Variants in STPG2 observed in about 807,000 individuals in gnomAD.
STPG2 encodes the protein sperm-tail PG-rich repeat-containing protein 2.
Under a neutral mutation model 54.2 loss-of-function variants are expected in STPG2, and 56 were observed. The observed-to-expected ratio is 1.03, with a 90% CI of 0.83 to 1.29. The LOEUF (loss-of-function observed/expected upper bound fraction) is 1.29. STPG2 is among the 50% of genes most tolerant of loss of function. The pLI, the probability that STPG2 is intolerant of heterozygous loss-of-function variation, is 0.00. For missense variants in STPG2, 596 were observed against 544.9 expected, an observed-to-expected ratio of 1.09 and a Z score of -0.93; for synonymous variants, 200 against 181.8, an observed-to-expected ratio of 1.10 and a Z score of -0.81.
intron 5 of STPG2, among the ~76,000 whole-genome samples, chr4:98,051,010 A>C (rs1012883831): frequency 6.7e-5 from 9 of 134,964 alleles, no homozygotes; most frequent in African/African-American, 2.2e-4. Flanking sequence ...ATCTCAAAAA[A>C]AAGAAAAAAA....
chr4:97,854,142 A>G (rs1729255223), intron 8 of STPG2, among the ~76,000 whole-genome samples: 1 of 152,280 alleles, frequency 6.6e-6, no homozygotes, highest in East Asian at 1.9e-4. Context: ...CTATTTTAGC[A>G]TCCGTCTATC....
chr4:98,070,560 A>T (rs1410895093), intron 5 of STPG2, among the ~76,000 whole-genome samples: 1 of 151,956 alleles, frequency 6.6e-6, no homozygotes, highest in Non-Finnish European at 1.5e-5. Flanking sequence ...TCAAATAGAG[A>T]GAGAGGATGT....
intron 9 of STPG2, among the ~76,000 whole-genome samples, chr4:97,788,671 T>C (rs1726897987): frequency 6.6e-6 from 1 of 152,174 alleles, no homozygotes; most frequent in South Asian, 2.1e-4. Flanking sequence ...ATAGTAGCTA[T>C]ACTAATTTAT....
chr4:97,632,617 G>T (rs1578438549), intron 10 of STPG2, among the ~76,000 whole-genome samples: 1 of 152,034 alleles, frequency 6.6e-6, no homozygotes, highest in Admixed American at 6.5e-5. Flanking sequence ...TTGACTCACA[G>T]ATATCAATAT....
At chr4:97,807,529 A>G (rs62318622) in intron 9 of STPG2, among the ~76,000 whole-genome samples, 5,847 of 152,070 alleles carry the variant, frequency 0.038, 184 homozygotes, top group Non-Finnish European at 0.063. Context: ...TTAAAATGAA[A>G]AACTTAATGC....
chr4:97,740,560 C>A (rs1449222018), intron 9 of STPG2, among the ~76,000 whole-genome samples: 1 of 152,084 alleles, frequency 6.6e-6, no homozygotes, highest in Non-Finnish European at 1.5e-5. Context: ...CATTCTTATA[C>A]ACCAATAACA....
intron 4 of STPG2, among the ~76,000 whole-genome samples, chr4:97,531,121 T>G (rs1270195534): frequency 6.6e-6 from 1 of 152,172 alleles, no homozygotes; most frequent in African/African-American, 2.4e-5. Context: ...AGCATTGAAA[T>G]TATCAGAAAA....
chr4:98,047,465 C>T (rs567312988), intron 5 of STPG2, among the ~76,000 whole-genome samples: 1 of 152,234 alleles, frequency 6.6e-6, no homozygotes, highest in South Asian at 2.1e-4. Flanking sequence ...CAGGGAGAAA[C>T]GGGGATCTAG....
intron 8 of STPG2, among the ~76,000 whole-genome samples, chr4:97,904,321 C>G (rs527247768): frequency 1.3e-5 from 2 of 152,320 alleles, no homozygotes; most frequent in Admixed American, 1.3e-4. Context: ...AACTGGGAGG[C>G]ACCCCCCAGC....
chr4:97,504,925 A>C (rs1730812821), intron 4 of STPG2, among the ~76,000 whole-genome samples: 1 of 152,030 alleles, frequency 6.6e-6, no homozygotes, highest in South Asian at 2.1e-4. Flanking sequence ...CATGGTACAG[A>C]CAAGGCAAGC....
rs116352664 is a variant in STPG2 at position 97,475,723 on chromosome 4, C to T, written c.462+236976G>A. Among the ~76,000 whole-genome samples the T allele has an allele frequency of 3.8e-3, 572 of 152,116 alleles. 2 individuals are homozygous for T. Among genetic ancestry groups the T allele is most frequent in the Admixed American group, 7.9e-3 (121 of 15,262 alleles). On this transcript the variant is annotated intron_variant, in intron 4 of 4. Transcript: ENST00000522676. ...GCTCTCCCCTAACATACCATGAATA[C>T]TTTGACCTTAGAGCTTTGCACTTGT...
intron 5 of STPG2, among the ~76,000 whole-genome samples, chr4:98,059,891 C>G (rs1737590496): frequency 6.6e-6 from 1 of 152,036 alleles, no homozygotes; most frequent in Admixed American, 6.6e-5. Flanking sequence ...TCTCAATAAA[C>G]TAGATATTGA....
intron 9 of STPG2, among the ~76,000 whole-genome samples, chr4:97,759,545 A>G (rs1302083631): frequency 6.6e-6 from 1 of 152,186 alleles, no homozygotes; most frequent in Non-Finnish European, 1.5e-5. Context: ...GTAAGCCATC[A>G]AGAACTTTTA....
intron 7 of STPG2, among the ~76,000 whole-genome samples, chr4:97,963,774 C>T (rs1733988009): frequency 6.6e-6 from 1 of 151,414 alleles, no homozygotes; most frequent in African/African-American, 2.4e-5. Flanking sequence ...ACTAAATGAA[C>T]AATAGAAATT....
chr4:97,868,852 T>A (rs542671122), intron 8 of STPG2, among the ~76,000 whole-genome samples: 2 of 152,062 alleles, frequency 1.3e-5, no homozygotes, highest in Non-Finnish European at 2.9e-5. Context: ...CTGATAAATA[T>A]TCTCAATTTC....
chr4:98,019,167 C>A (rs1409994101), intron 5 of STPG2, among the ~76,000 whole-genome samples: 2 of 152,158 alleles, frequency 1.3e-5, no homozygotes, highest in Non-Finnish European at 2.9e-5. Context: ...ACATGTAAGT[C>A]TTTAATCCAT....
At chr4:97,726,298 G>A (rs1724623540) in intron 9 of STPG2, among the ~76,000 whole-genome samples, 1 of 151,918 alleles carries the variant, frequency 6.6e-6, no homozygotes, top group Non-Finnish European at 1.5e-5. Context: ...GGCTAGAGAG[G>A]AAGTTATTGT....
chr4:97,586,663 A>T (rs1260478713), intron 10 of STPG2, among the ~76,000 whole-genome samples: 1 of 152,006 alleles, frequency 6.6e-6, no homozygotes, highest in Non-Finnish European at 1.5e-5. Context: ...AGAAAGAAAT[A>T]GAATAATGTT....
intron 9 of STPG2, among the ~76,000 whole-genome samples, chr4:97,714,374 A>G (rs1240704096): frequency 2.0e-5 from 3 of 152,142 alleles, no homozygotes. Flanking sequence ...ATTAAGACAT[A>G]GTATCTAAAG....
Sources: gnomAD v4.1 joint callset for allele counts (sites outside exome capture counted in the v4.1 genomes callset) on GRCh38, gnomAD v4.1.1 for gene constraint, MANE v1.5 for transcripts, NCBI Gene and HGNC (gene_info 2026-07-23, HGNC 2026-07-21) for gene names.